The following ZNF420 variants were observed in gnomAD, a reference collection of about 807,000 sequenced individuals.
ZNF420 encodes the protein zinc finger protein 420.
A neutral mutation model predicts 44.7 loss-of-function variants in ZNF420; 31 were observed. That is an observed-to-expected ratio of 0.69 (90% CI 0.52 to 0.94). The LOEUF is 0.94. Among genes scored for constraint, ZNF420 ranks in the 40% least tolerant of loss-of-function variants. The pLI is 0.00. For synonymous variants in ZNF420, 245 were observed against 267.4 expected (o/e 0.92, Z 0.82); for missense variants, 681 against 827.9 (o/e 0.82, Z 2.18).
chr19:37,011,197 A>G (rs545503209), intron 1 of ZNF420, among the ~76,000 whole-genome samples: 61 of 152,158 alleles, frequency 4.0e-4, no homozygotes, highest in Non-Finnish European at 7.4e-4. Flanking sequence ...CAACAGGGAG[A>G]AAGTGGTGAT....
chr19:37,108,848 C>T (rs4806411), intron 4 of ZNF420, among the ~76,000 whole-genome samples: 79,690 of 152,046 alleles, frequency 0.52, 21,635 homozygotes, highest in African/African-American at 0.63. Context: ...GAATTGACCT[C>T]GAGGTGCCCA....
intron 4 of ZNF420, among the ~76,000 whole-genome samples, chr19:37,094,277 T>C (rs902526886): frequency 5.3e-5 from 8 of 152,234 alleles, no homozygotes; most frequent in Non-Finnish European, 1.0e-4. Flanking sequence ...TTCCTCTTTT[T>C]ATCTTACGGG....
intron 4 of ZNF420, among the ~76,000 whole-genome samples, chr19:37,117,086 T>C (rs1353522917): frequency 6.6e-6 from 1 of 152,240 alleles, no homozygotes; most frequent in Non-Finnish European, 1.5e-5. Flanking sequence ...CGTCCCTGTC[T>C]GACAGCTTTG....
intron 1 of ZNF420, among the ~76,000 whole-genome samples, chr19:37,050,292 T>C (rs1403668018): frequency 6.6e-6 from 1 of 152,218 alleles, no homozygotes; most frequent in Non-Finnish European, 1.5e-5. Context: ...ATTGAATCTA[T>C]AAATTACCTT....
intron 1 of ZNF420, among the ~76,000 whole-genome samples, chr19:37,065,181 C>T (rs550589725): frequency 1.6e-4 from 25 of 152,310 alleles, no homozygotes; most frequent in African/African-American, 5.8e-4. Context: ...AGTCTAGATA[C>T]ATTCCAGAGC....
chr19:37,023,125 G>A (rs896111111), intron 1 of ZNF420, among the ~76,000 whole-genome samples: 3 of 150,004 alleles, frequency 2.0e-5, no homozygotes. Context: ...GTGACAGAGC[G>A]AGACTCCGTC....
intron 4 of ZNF420, among the ~76,000 whole-genome samples, chr19:37,105,773 A>G (rs1970044303): frequency 6.6e-6 from 1 of 152,096 alleles, no homozygotes; most frequent in Non-Finnish European, 1.5e-5. Flanking sequence ...TTGGATTCCT[A>G]GGTATTTTAT....
intron 1 of ZNF420, among the ~76,000 whole-genome samples, chr19:37,035,751 A>G (rs1407169042): frequency 1.3e-5 from 2 of 152,144 alleles, no homozygotes; most frequent in South Asian, 2.1e-4. Flanking sequence ...TGGAGAAAAC[A>G]TATGTAAGGG....
chr19:37,034,250 G>T (rs1447416657), intron 1 of ZNF420, among the ~76,000 whole-genome samples: 1 of 151,984 alleles, frequency 6.6e-6, no homozygotes, highest in Non-Finnish European at 1.5e-5. Context: ...GTTTTGATTT[G>T]CATTTCCTTA....
intron 4 of ZNF420, among the ~76,000 whole-genome samples, chr19:37,124,225 G>A (rs1971221889): frequency 6.6e-6 from 1 of 152,102 alleles, no homozygotes; most frequent in African/African-American, 2.4e-5. Context: ...ATATATTTAA[G>A]ATTTATCCAT....
intron 1 of ZNF420, among the ~76,000 whole-genome samples, chr19:37,051,287 A>G (rs1967634409): frequency 6.6e-6 from 1 of 152,182 alleles, no homozygotes; most frequent in Non-Finnish European, 1.5e-5. Context: ...ATAGTTTCAG[A>G]AGGAATGGTA....
intron 4 of ZNF420, among the ~76,000 whole-genome samples, chr19:37,101,230 C>CA (rs1367736034): frequency 6.6e-6 from 1 of 152,168 alleles, no homozygotes; most frequent in Non-Finnish European, 1.5e-5. Flanking sequence ...CCTGGTATCT[C>CA]ACGCCTGTAA....
chr19:37,090,263 G>C (rs1245200554), intron 3 of ZNF420, among the ~76,000 whole-genome samples: 1 of 152,178 alleles, frequency 6.6e-6, no homozygotes, highest in Non-Finnish European at 1.5e-5. Flanking sequence ...CCAGCACTTT[G>C]GGAGGCCTAA....
intron 1 of ZNF420, among the ~76,000 whole-genome samples, chr19:37,020,351 C>T (rs1274616183): frequency 2.0e-5 from 3 of 152,146 alleles, no homozygotes; most frequent in Admixed American, 6.6e-5. Flanking sequence ...ATTCCAACCC[C>T]GAGATAAACC....
intron 2 of ZNF420, among the ~76,000 whole-genome samples, chr19:37,086,360 A>T (rs1222795550): frequency 6.6e-6 from 1 of 152,182 alleles, no homozygotes; most frequent in Admixed American, 6.5e-5. Flanking sequence ...TCTTAAATTA[A>T]GTGACTACTA....
chr19:37,073,964 T>C (rs1170672874), upstream of ZNF420, among the ~76,000 whole-genome samples: 1 of 151,762 alleles, frequency 6.6e-6, no homozygotes, highest in African/African-American at 2.4e-5. Flanking sequence ...TGAGCCATAG[T>C]GATATTCAAA....
rs1358594343 is a variant in ZNF420 at position 37,127,442 on chromosome 19, G to A, written c.451G>A (p.Ala151Thr). 6.2e-7 allele frequency: 1 copy of A among 1,613,792 alleles called. No homozygotes were observed. Among genetic ancestry groups the A allele is most frequent in the East Asian group, 2.2e-5 (1 of 44,868 alleles). ...CKECGKAFRR[A>T]SHLTQHQSIH... ...GGAATGTGGGAAAGCCTTCAGACGA[G>A]CCTCACACCTAACACAACATCAAAG... Residue 151 changes from alanine to threonine, a missense_variant, in exon 5 of 5, where the codon GCC becomes ACC. Ala to Thr is a moderately conservative substitution (Grantham distance 58, BLOSUM62 0). This residue lies in a region of ZNF420 where 350 missense variants were observed against 382.5 expected (regional missense o/e 0.92). Transcript: ENST00000337995.
intron 2 of ZNF420, among the ~76,000 whole-genome samples, chr19:37,083,035 T>C (rs2146495670): frequency 8.5e-6 from 1 of 117,054 alleles, no homozygotes; most frequent in South Asian, 2.5e-4. Context: ...TAATTTTTTG[T>C]ATTTTAGTAG....
chr19:37,032,782 A>G (rs771857388), intron 1 of ZNF420, among the ~76,000 whole-genome samples: 23 of 152,174 alleles, frequency 1.5e-4, no homozygotes, highest in Non-Finnish European at 2.6e-4. Flanking sequence ...GCCCAGATCA[A>G]GAGTTACCAA....
Sources: gnomAD v4.1 joint callset for allele counts (sites outside exome capture counted in the v4.1 genomes callset) on GRCh38, gnomAD v4.1.1 for gene constraint, gnomAD v4.1.1 regional missense constraint, MANE v1.5 for transcripts, NCBI Gene and HGNC (gene_info 2026-07-23, HGNC 2026-07-21) for gene names.